Variants in AGMO observed in about 807,000 individuals in gnomAD.
AGMO encodes the protein alkylglycerol monooxygenase.
AGMO carries 75 observed loss-of-function variants against 60.2 expected under a neutral mutation model. The ratio of observed to expected loss-of-function variants is 1.25; its 90% confidence interval spans 1.03 to 1.51. The LOEUF (loss-of-function observed/expected upper bound fraction) is 1.51. AGMO is among the 40% of genes most tolerant of loss of function. AGMO has a pLI of 0.00. For missense variants in AGMO, 763 were observed against 525.5 expected (o/e 1.45, Z -4.42); for synonymous variants, 261 against 177.1 (o/e 1.47, Z -3.76).
At chr7:15,387,904 C>T (rs950011594) in intron 8 of AGMO, among the ~76,000 whole-genome samples, 12 of 137,636 alleles carry the variant, frequency 8.7e-5, no homozygotes, top group Non-Finnish European at 1.5e-4. Flanking sequence ...GACACATTCT[C>T]TTTTTTTTTT....
At chr7:15,235,780 A>G (rs1463080581) in intron 12 of AGMO, among the ~76,000 whole-genome samples, 1 of 152,276 alleles carries the variant, frequency 6.6e-6, no homozygotes, top group Non-Finnish European at 1.5e-5. Context: ...TGGATAGAAG[A>G]AGGAAGCAAT....
At chr7:15,124,384 G>C in the AGMO span, among the ~76,000 whole-genome samples, 1 of 151,936 alleles carries the variant, frequency 6.6e-6, no homozygotes, top group East Asian at 2.0e-4. Flanking sequence ...TGGATTGCCA[G>C]TTATCACGGC....
intron 12 of AGMO, among the ~76,000 whole-genome samples, chr7:15,317,095 G>C (rs1369782289): frequency 6.6e-6 from 1 of 152,104 alleles, no homozygotes; most frequent in Non-Finnish European, 1.5e-5. Context: ...GATTCATCAA[G>C]TGAATCTTCT....
At chr7:15,241,650 A>G (rs1321664975) in intron 12 of AGMO, among the ~76,000 whole-genome samples, 2 of 152,170 alleles carry the variant, frequency 1.3e-5, no homozygotes, top group East Asian at 3.9e-4. Context: ...GGACTCTCAT[A>G]ATTTTCTTTT....
At chr7:15,506,776 A>G (rs1783522151) in intron 3 of AGMO, among the ~76,000 whole-genome samples, 1 of 151,974 alleles carries the variant, frequency 6.6e-6, no homozygotes, top group African/African-American at 2.4e-5. Flanking sequence ...AGATCTCAGA[A>G]AGTGTGAGAT....
At chr7:15,234,302 G>T (rs918922549) in intron 12 of AGMO, among the ~76,000 whole-genome samples, 1 of 152,138 alleles carries the variant, frequency 6.6e-6, no homozygotes, top group African/African-American at 2.4e-5. Flanking sequence ...CCCTTATTCT[G>T]TGTAAATGTC....
chr7:15,441,602 C>G (rs892037283), intron 3 of AGMO, among the ~76,000 whole-genome samples: 2 of 152,128 alleles, frequency 1.3e-5, no homozygotes, highest in African/African-American at 2.4e-5. Flanking sequence ...GGAGAACTGT[C>G]TTGATGTCAA....
chr7:15,518,315 C>A (rs1167473411), intron 3 of AGMO, among the ~76,000 whole-genome samples: 1 of 152,178 alleles, frequency 6.6e-6, no homozygotes, highest in Non-Finnish European at 1.5e-5. Flanking sequence ...AGCACTGGAG[C>A]TCTGCTAAGG....
intron 4 of AGMO, among the ~76,000 whole-genome samples, chr7:15,426,483 T>C (rs543106937): frequency 1.3e-5 from 2 of 152,246 alleles, no homozygotes; most frequent in South Asian, 2.1e-4. Context: ...GCGCGGTGGC[T>C]CATGCTTATA....
chr7:15,428,914 A>G (rs568499510), intron 4 of AGMO, among the ~76,000 whole-genome samples: 86 of 152,190 alleles, frequency 5.7e-4, no homozygotes, highest in African/African-American at 1.7e-3. Context: ...GACCAGCCAT[A>G]TATCCAGCCT....
the AGMO span, among the ~76,000 whole-genome samples, chr7:15,177,957 A>C: frequency 6.6e-6 from 1 of 152,058 alleles, no homozygotes; most frequent in Admixed American, 6.6e-5. Context: ...ATTAAAATCG[A>C]TTTTCATTAT....
In AGMO at chr7:15,205,073, A is replaced by G. The variant is rs78691067; in HGVS notation, c.1264-3714T>C. Among the ~76,000 whole-genome samples, 621 of 152,330 alleles carry G rather than the reference A, an allele frequency of 4.1e-3. 3 individuals carry two copies. Among genetic ancestry groups the G allele is most frequent in the African/African-American group, 0.013 (542 of 41,590 alleles). ...CATCTAATCTTAAAGGAGAGAGAATAGTGTGCTTGTTGCATGCTCTCAAAT... is the reference window on the plus strand; with the variant it reads ...CATCTAATCTTAAAGGAGAGAGAATGGTGTGCTTGTTGCATGCTCTCAAAT... On this transcript the variant is annotated intron_variant, in intron 12 of 12. Transcript: ENST00000342526.
At chr7:15,483,425 G>C (rs1384251493) in intron 3 of AGMO, among the ~76,000 whole-genome samples, 5 of 152,098 alleles carry the variant, frequency 3.3e-5, no homozygotes, top group Non-Finnish European at 5.9e-5. Context: ...AATTAGCCGG[G>C]CGTGGTGGCG....
intron 8 of AGMO, among the ~76,000 whole-genome samples, chr7:15,387,866 C>A (rs2128484026): frequency 6.6e-6 from 1 of 151,820 alleles, no homozygotes; most frequent in East Asian, 1.9e-4. Context: ...TTAACTAGCA[C>A]CCTGTGCACT....
intron 3 of AGMO, among the ~76,000 whole-genome samples, chr7:15,521,072 A>G (rs1417926222): frequency 6.6e-6 from 1 of 152,320 alleles, no homozygotes; most frequent in African/African-American, 2.4e-5. Flanking sequence ...AAACACCTCT[A>G]TGCAAATAAA....
intron 12 of AGMO, among the ~76,000 whole-genome samples, chr7:15,220,510 G>A (rs1206046996): frequency 6.6e-6 from 1 of 151,758 alleles, no homozygotes; most frequent in East Asian, 1.9e-4. Flanking sequence ...GAGCCATCAT[G>A]CCCGGCCCTG....
chr7:15,314,248 G>T (rs1780849183), intron 12 of AGMO, among the ~76,000 whole-genome samples: 1 of 152,056 alleles, frequency 6.6e-6, no homozygotes, highest in Non-Finnish European at 1.5e-5. Flanking sequence ...CTCATTAATT[G>T]ATTATTTCTG....
intron 12 of AGMO, among the ~76,000 whole-genome samples, chr7:15,241,352 C>T (rs1363225493): frequency 6.9e-6 from 1 of 144,798 alleles, no homozygotes; most frequent in East Asian, 2.2e-4. Context: ...CCCAGCTACT[C>T]GGGAGGCTGA....
chr7:15,391,991 A>C (rs557020642), intron 6 of AGMO, among the ~76,000 whole-genome samples: 4 of 152,206 alleles, frequency 2.6e-5, no homozygotes, highest in Non-Finnish European at 5.9e-5. Context: ...GCATGCGAAG[A>C]TGAAGTCAGA....
Sources: gnomAD v4.1 joint callset for allele counts (sites outside exome capture counted in the v4.1 genomes callset) on GRCh38, gnomAD v4.1.1 for gene constraint, MANE v1.5 for transcripts, NCBI Gene and HGNC (gene_info 2026-07-23, HGNC 2026-07-21) for gene names.